The following CCDC178 variants were observed in gnomAD, a reference collection of about 807,000 sequenced individuals.
CCDC178 encodes coiled-coil domain containing 178, also known as coiled-coil domain-containing protein 178.
Under a neutral mutation model 117.4 loss-of-function variants are expected in CCDC178, and 126 were observed. That is an observed-to-expected ratio of 1.07 (90% CI 0.93 to 1.24). The LOEUF (loss-of-function observed/expected upper bound fraction) is 1.24, where lower values mean the gene tolerates loss of function less well. Ranked by LOEUF, CCDC178 falls within the 50% of genes most tolerant of loss-of-function variation. The pLI is 0.00. For synonymous variants in CCDC178, 283 were observed against 313.4 expected (o/e 0.90, Z 1.02); for missense variants, 1,030 against 986.9 (o/e 1.04, Z -0.59).
At chr18:33,121,722 C>T (rs151018348) in intron 20 of CCDC178, among the ~76,000 whole-genome samples, 110 of 152,234 alleles carry the variant, frequency 7.2e-4, no homozygotes, top group African/African-American at 2.6e-3. Context: ...CACTTAACCT[C>T]TCTGAACTTC....
intron 21 of CCDC178, among the ~76,000 whole-genome samples, chr18:33,081,383 T>A (rs1188768576): frequency 6.6e-6 from 1 of 152,184 alleles, no homozygotes; most frequent in Non-Finnish European, 1.5e-5. Flanking sequence ...TTAGAAACCA[T>A]GATAACAAAA....
intron 14 of CCDC178, among the ~76,000 whole-genome samples, chr18:33,247,961 A>G (rs1599049948): frequency 6.6e-6 from 1 of 151,972 alleles, no homozygotes. Context: ...TAGTTTAAAA[A>G]TGCGAGAAAT....
At chr18:33,244,082 T>C (rs960230885) in intron 15 of CCDC178, among the ~76,000 whole-genome samples, 14 of 152,022 alleles carry the variant, frequency 9.2e-5, no homozygotes, top group African/African-American at 3.4e-4. Context: ...ATAGGTCATT[T>C]GAACAGCTGG....
At chr18:33,420,556 T>A (rs2064010679) in intron 2 of CCDC178, among the ~76,000 whole-genome samples, 1 of 152,156 alleles carries the variant, frequency 6.6e-6, no homozygotes. Flanking sequence ...GATTTCGCCA[T>A]GTTGGCTGGG....
At position 33,238,020 on chromosome 18, in the gene CCDC178, G is replaced by A. The variant is rs564473343; in HGVS notation, c.1593+7225C>T. Among the ~76,000 whole-genome samples the A allele has an allele frequency of 6.8e-4, 103 of 152,310 alleles. No homozygotes were observed. The Middle Eastern group carries it at 0.02, about 30-fold the overall frequency. ...ACAGATTCTCTCAGCTTAGGCAAGT[G>A]AGACACTTGCAAATGTCACTAGCAT... On this transcript the variant is annotated intron_variant, in intron 15 of 22. Transcript: ENST00000383096.
At chr18:33,366,200 C>T (rs2063203810) in intron 6 of CCDC178, among the ~76,000 whole-genome samples, 1 of 152,020 alleles carries the variant, frequency 6.6e-6, no homozygotes, top group South Asian at 2.1e-4. Context: ...GGTGGTAGCT[C>T]ATGCCTGTAA....
chr18:33,293,180 T>C lies in CCDC178; in HGVS notation c.1155A>G (p.Glu385=). 1.3e-6 allele frequency: 2 copies of C among 1,585,272 alleles called. No homozygotes were observed. The highest frequency in any genetic ancestry group is 1.7e-6 in the Non-Finnish European group (2 of 1,162,736). Residue 385 remains glutamate (E), a synonymous_variant, in exon 12 of 23, where the codon GAA becomes GAG. Transcript: ENST00000383096. ...TCACCATTTTTGATAGAGAATGTAA[T>C]TCATTTTTTGATGACTTTGTTTCCC... ...AIRETKSSKN[E]LHSLSKMLED...
chr18:33,060,544 C>CCT (rs1567963315), intron 21 of CCDC178, among the ~76,000 whole-genome samples: 2 of 147,504 alleles, frequency 1.4e-5, no homozygotes, highest in African/African-American at 5.3e-5. Context: ...ATTAAAATTA[C>CCT]ATTTTTTTTT....
chr18:33,069,799 A>AT lies in CCDC178; in HGVS notation c.2388+22961dup, dbSNP rs1460835147. Among the ~76,000 whole-genome samples, 622 of 152,188 alleles carry AT rather than the reference A, an allele frequency of 4.1e-3. 2 individuals are homozygous for AT. The highest frequency in any genetic ancestry group is 0.014 in the African/African-American group (601 of 41,556). On this transcript the variant is annotated intron_variant, in intron 21 of 22. Transcript: ENST00000383096. ...ATCCAATAAAAGATTCATGACCAGA[A>AT]TATACAAGGTATTCAAACAAGTCAA...
intron 9 of CCDC178, among the ~76,000 whole-genome samples, chr18:33,334,992 T>C (rs1203035656): frequency 8.5e-5 from 13 of 152,222 alleles, no homozygotes; most frequent in African/African-American, 3.1e-4. Flanking sequence ...TATATCCCTA[T>C]GTATTTTCAT....
chr18:33,125,476 A>ATG (rs1343107742), intron 20 of CCDC178, among the ~76,000 whole-genome samples: 1 of 152,196 alleles, frequency 6.6e-6, no homozygotes, highest in Non-Finnish European at 1.5e-5. Context: ...GACTTCACAT[A>ATG]TGCTTGATCA....
chr18:33,105,700 T>C (rs147735839), intron 20 of CCDC178, among the ~76,000 whole-genome samples: 388 of 151,760 alleles, frequency 2.6e-3, no homozygotes, highest in Middle Eastern at 0.024. Flanking sequence ...TAATAAGGTT[T>C]CCAGTTCCTT....
intron 21 of CCDC178, among the ~76,000 whole-genome samples, chr18:33,012,683 G>A (rs1435479889): frequency 6.6e-6 from 1 of 151,956 alleles, no homozygotes; most frequent in Admixed American, 6.6e-5. Context: ...AATTGTAGAT[G>A]GTTTCCACTG....
intron 9 of CCDC178, among the ~76,000 whole-genome samples, chr18:33,341,461 A>C (rs4799691): frequency 0.28 from 42,168 of 152,028 alleles, 6,171 homozygotes; most frequent in East Asian, 0.49. Flanking sequence ...ATATGAGGGC[A>C]TGAAATTTGG....
At chr18:33,386,197 A>T (rs1325053301) in intron 5 of CCDC178, among the ~76,000 whole-genome samples, 1 of 152,218 alleles carries the variant, frequency 6.6e-6, no homozygotes, top group Non-Finnish European at 1.5e-5. Context: ...AAGTTCTGAA[A>T]TTGAGGCAGT....
intron 20 of CCDC178, among the ~76,000 whole-genome samples, chr18:33,132,006 T>C (rs188055730): frequency 6.6e-6 from 1 of 151,486 alleles, no homozygotes; most frequent in Admixed American, 6.6e-5. Flanking sequence ...TTTTTTTTGG[T>C]GCTACTCATG....
chr18:33,237,802 A>G (rs1202347326), intron 15 of CCDC178, among the ~76,000 whole-genome samples: 1 of 152,090 alleles, frequency 6.6e-6, no homozygotes, highest in Non-Finnish European at 1.5e-5. Context: ...CATAAATAAA[A>G]CATGGGTTGC....
chr18:33,019,913 ATATTATTATTATTATTATTATTATTAT>A (rs35536059), intron 21 of CCDC178, among the ~76,000 whole-genome samples: 5 of 137,716 alleles, frequency 3.6e-5, no homozygotes, highest in East Asian at 2.1e-4. Context: ...CTTAACTGAG[ATATTATTATTATTATTATTATTATTAT>A]TATTATTATT....
At chr18:33,102,694 A>G (rs1285456231) in intron 20 of CCDC178, among the ~76,000 whole-genome samples, 1 of 151,742 alleles carries the variant, frequency 6.6e-6, no homozygotes, top group African/African-American at 2.4e-5. Flanking sequence ...TCCCAAGCAG[A>G]AATATGATAT....
Sources: gnomAD v4.1 joint callset for allele counts (sites outside exome capture counted in the v4.1 genomes callset) on GRCh38, gnomAD v4.1.1 for gene constraint, MANE v1.5 for transcripts, NCBI Gene and HGNC (gene_info 2026-07-23, HGNC 2026-07-21) for gene names.